The following ASGR2 variants were observed in gnomAD, a reference collection of about 807,000 sequenced individuals.
The protein encoded by ASGR2 is asialoglycoprotein receptor 2.
A neutral mutation model predicts 32.3 loss-of-function variants in ASGR2; 34 were observed. That is an observed-to-expected ratio of 1.05 (90% confidence interval 0.80 to 1.40). ASGR2 has a LOEUF of 1.40. ASGR2 is among the 40% of genes most tolerant of loss of function. The pLI is 0.00. For synonymous variants in ASGR2, 143 were observed against 150.0 expected, an observed-to-expected ratio of 0.95 and a Z score of 0.34; for missense variants, 385 against 386.4, an observed-to-expected ratio of 1.00 and a Z score of 0.03.
In ASGR2 at chr17:7,113,348, C is replaced by T. The variant is rs1485655395; in HGVS notation, c.124+769G>A. 3.3e-5 allele frequency among the ~76,000 whole-genome samples: 5 copies of T among 151,072 alleles called. No individual in the cohort carries two copies. Among genetic ancestry groups the T allele is most frequent in the African/African-American group, 7.3e-5 (3 of 41,054 alleles). ...CACTAACACACACACTCACGCAACA[C>T]ACTCACACACACAACATACATAACA... On this transcript the variant is annotated intron_variant, in intron 2 of 8. Coordinates refer to ENST00000691900, the MANE Select transcript of ASGR2 (RefSeq NM_001201352.2). The surrounding 1 kb of genome is among the most constrained non-coding windows in gnomAD (Gnocchi z 5.1).
chr17:7,112,461 C>T (rs922501395), intron 2 of ASGR2, among the ~76,000 whole-genome samples: 2 of 152,150 alleles, frequency 1.3e-5, no homozygotes, highest in African/African-American at 4.8e-5. Context: ...GAAATCCTGG[C>T]CTCTCTCCAA....
At position 7,113,285 on chromosome 17, in the gene ASGR2, TACAC is replaced by T. The variant is rs113103097; in HGVS notation, c.124+828_124+831del. Among the ~76,000 whole-genome samples the T allele has an allele frequency of 8.0e-6, 1 of 124,382 alleles. No homozygotes were observed. The highest frequency in any genetic ancestry group is 1.7e-5 in the Non-Finnish European group (1 of 57,922). The allele number at this position is 124,382 out of a possible 152,430, so 81.6% of individuals were successfully genotyped here. On this transcript the variant is annotated intron_variant, in intron 2 of 8. Coordinates refer to ENST00000691900, the MANE Select transcript of ASGR2 (RefSeq NM_001201352.2). The surrounding 1 kb of genome is among the most constrained non-coding windows in gnomAD (Gnocchi z 5.1). Reference sequence around the variant, plus strand: ...CACCCATCCCAACTCACCCCACCTCTACACACACACACACACACACATACAATCA... The same window carrying T: ...CACCCATCCCAACTCACCCCACCTCTACACACACACACACACATACAATCA...
Position 7,108,266 on chromosome 17 carries a change from T to C in ASGR2, c.337+196A>G, listed in dbSNP as rs1350800484. 6.6e-6 allele frequency among the ~76,000 whole-genome samples: 1 copy of C among 151,862 alleles called. No homozygotes were observed. The highest frequency in any genetic ancestry group is 2.4e-5 in the African/African-American group (1 of 41,310). ...ATGGTGCCTTCCTCACCTCCGGGTG[T>C]CGCAGATCCAACCTCTCCACCTGGC... On this transcript the variant is annotated intron_variant, in intron 4 of 8. Transcript: ENST00000691900. This position sits in a 1 kb window ranked among gnomAD's most constrained non-coding sequence, Gnocchi z 4.9.
In ASGR2 at chr17:7,114,772, T is replaced by G; in HGVS notation, c.-228A>C. On this transcript the variant is annotated 5_prime_UTR_variant, in exon 1 of 9. Coordinates refer to ENST00000691900, the MANE Select transcript of ASGR2 (RefSeq NM_001201352.2). The surrounding 1 kb of genome is among the most constrained non-coding windows in gnomAD (Gnocchi z 4.5). Reference sequence around the variant, plus strand: ...CGGGCAAGGCCTGCACTGGAGGGTCTGAGTGTCCAAGCTCTAACCTGGCAC... The same window carrying G: ...CGGGCAAGGCCTGCACTGGAGGGTCGGAGTGTCCAAGCTCTAACCTGGCAC... The G allele has an allele frequency of 1.0e-6, 1 of 992,506 alleles. No homozygotes were observed. Among genetic ancestry groups the G allele is most frequent in the Non-Finnish European group, 1.2e-6 (1 of 834,092 alleles). 61.5% of individuals were successfully genotyped at this position (992,506 alleles called of 1,614,324 possible). A position where few individuals can be genotyped will look rare whatever the true frequency, so the allele number is the denominator to read the frequency against.
rs1245207257 is a variant in ASGR2 at position 7,107,637 on chromosome 17, A to G, written c.409+199T>C. On this transcript the variant is annotated intron_variant, in intron 5 of 8. Coordinates refer to ENST00000691900, the MANE Select transcript of ASGR2 (RefSeq NM_001201352.2). The surrounding 1 kb of genome is among the most constrained non-coding windows in gnomAD (Gnocchi z 5.0). ...GCATACACACACAACACACACATAT[A>G]CACCACACTACACACCACACACAGA... The G allele has an allele frequency of 1.4e-6, 1 of 725,546 alleles. No homozygotes were observed. Among genetic ancestry groups the G allele is most frequent in the African/African-American group, 1.7e-5 (1 of 57,414 alleles). 44.9% of individuals were successfully genotyped at this position (725,546 alleles called of 1,614,324 possible).
Position 7,107,054 on chromosome 17 carries a change from C to G in ASGR2, c.594G>C (p.Lys198Asn). 1 of 1,614,186 alleles carries G rather than the reference C, an allele frequency of 6.2e-7. No individual in the cohort carries two copies. The highest frequency in any genetic ancestry group is 1.6e-4 in the Middle Eastern group (1 of 6,062). Residue 198 changes from lysine to asparagine, a missense_variant, in exon 7 of 9, where the codon AAG becomes AAC. Physicochemically the swap from Lys to Asn is moderately conservative, Grantham distance 94. Transcript: ENST00000691900. The surrounding 1 kb of genome is among the most constrained non-coding windows in gnomAD (Gnocchi z 5.0). ...GGTGTGCGTTCTCCAGCTGGCAGTA[C>G]TTCTCCGCCTCAGCCCAGGCCTTCC... is the stretch of plus-strand genomic sequence containing the variant. Reference protein sequence around the residue: ...HSGKAWAEAEKYCQLENAHLV... With the variant: ...HSGKAWAEAENYCQLENAHLV...
Position 7,108,411 on chromosome 17 carries a change from G to C in ASGR2, c.337+51C>G. On this transcript the variant is annotated intron_variant, in intron 4 of 8. Coordinates refer to ENST00000691900, the MANE Select transcript of ASGR2 (RefSeq NM_001201352.2). This position sits in a 1 kb window ranked among gnomAD's most constrained non-coding sequence, Gnocchi z 4.9. ...AGCCCTGTTGCAGACTCGGCACTGA[G>C]CCCAGCAAACCTGTGCGGATAAATG... The C allele has an allele frequency of 6.5e-7, 1 of 1,531,602 alleles. No individual in the cohort carries two copies. The highest frequency in any genetic ancestry group is 1.2e-5 in the South Asian group (1 of 81,538). 94.9% of individuals were successfully genotyped at this position (1,531,602 alleles called of 1,614,324 possible).
At position 7,107,030 on chromosome 17, in the gene ASGR2, GT is replaced by G; in HGVS notation, c.617del (p.His206ProfsTer25). ...AEKYCQLENA[H>X]LVVINSWEEQ... Reference sequence around the variant, plus strand: ...CCTCCCAGGAGTTGATGACCACCAGGTGTGCGTTCTCCAGCTGGCAGTACTT... The same window carrying G: ...CCTCCCAGGAGTTGATGACCACCAGGGTGCGTTCTCCAGCTGGCAGTACTT... On this transcript the variant is annotated frameshift_variant, in exon 7 of 9. Coordinates refer to ENST00000691900, the MANE Select transcript of ASGR2 (RefSeq NM_001201352.2). LOFTEE classifies it high-confidence loss of function. This position sits in a 1 kb window ranked among gnomAD's most constrained non-coding sequence, Gnocchi z 5.0. The G allele has an allele frequency of 6.2e-7, 1 of 1,614,196 alleles. No individual in the cohort carries two copies. Among genetic ancestry groups the G allele is most frequent in the Non-Finnish European group, 8.5e-7 (1 of 1,180,028 alleles).
Position 7,114,768 on chromosome 17 carries a change from G to A in ASGR2, c.-224C>T. ...GGTCCGGGCAAGGCCTGCACTGGAG[G>A]GTCTGAGTGTCCAAGCTCTAACCTG... On this transcript the variant is annotated 5_prime_UTR_variant, in exon 1 of 9. Coordinates refer to ENST00000691900, the MANE Select transcript of ASGR2 (RefSeq NM_001201352.2). The surrounding 1 kb of genome is among the most constrained non-coding windows in gnomAD (Gnocchi z 4.5). 1.0e-6 allele frequency: 1 copy of A among 993,180 alleles called. No individual in the cohort carries two copies. The highest frequency in any genetic ancestry group is 1.2e-6 in the Non-Finnish European group (1 of 834,384). The allele number at this position is 993,180 out of a possible 1,614,324, so 61.5% of individuals were successfully genotyped here. A position where few individuals can be genotyped will look rare whatever the true frequency, so the allele number is the denominator to read the frequency against.
At chr17:7,101,817 C>T in intron 8 of ASGR2, 77 bp from the exon 9 acceptor site, 2 of 1,543,534 alleles carry the variant, frequency 1.3e-6, no homozygotes, top group Non-Finnish European at 1.8e-6. Context: ...CTCTTCATGA[C>T]CATTTTCCTT....
chr17:7,112,872 C>A (rs1294309275), intron 2 of ASGR2, among the ~76,000 whole-genome samples: 3 of 152,170 alleles, frequency 2.0e-5, no homozygotes, highest in African/African-American at 7.2e-5. Context: ...CCACCAGCAC[C>A]CACACACCTG....
In ASGR2 at chr17:7,111,078, AC is replaced by A. The variant is rs1914558000; in HGVS notation, c.125-2191del. 2.0e-5 allele frequency among the ~76,000 whole-genome samples: 3 copies of A among 152,254 alleles called. No individual in the cohort carries two copies. In the South Asian group the frequency reaches 6.2e-4, roughly 31 times the overall value. Reference sequence around the variant, plus strand: ...AAAGCTCAAGAACATTTAGAGGAATACAAAAATATCCAGCACCCAACAAGGT... The same window carrying A: ...AAAGCTCAAGAACATTTAGAGGAATAAAAAATATCCAGCACCCAACAAGGT... On this transcript the variant is annotated intron_variant, in intron 2 of 8. Coordinates refer to ENST00000691900, the MANE Select transcript of ASGR2 (RefSeq NM_001201352.2).
At chr17:7,111,883 A>C (rs141785364) in intron 2 of ASGR2, among the ~76,000 whole-genome samples, 1,681 of 148,332 alleles carry the variant, frequency 0.011, 33 homozygotes, top group African/African-American at 0.038. Context: ...TCTACAAAAA[A>C]AAATTTTTAA....
Position 7,101,608 on chromosome 17 carries a change from C to T in ASGR2, c.888G>A (p.Glu296=), listed in dbSNP as rs11653054. 0.028 allele frequency: 44,900 copies of T among 1,614,176 alleles called. 777 individuals carry two copies. The highest frequency in any genetic ancestry group is 0.034 in the Non-Finnish European group (40,054 of 1,180,028). ...FCLQVYRWVC[E]KRRNATGEVA ...CCTCGCCGGTGGCATTCCGCCTTTT[C>T]TCACACACCCAGCGGTACACCTGCA... is the stretch of plus-strand genomic sequence containing the variant. Residue 296 remains glutamate (E), a synonymous_variant, in exon 9 of 9, where the codon GAG becomes GAA. Transcript: ENST00000691900.
chr17:7,106,669 G>A lies in ASGR2; in HGVS notation c.648+331C>T, dbSNP rs574204073. On this transcript the variant is annotated intron_variant, in intron 7 of 8. Coordinates refer to ENST00000691900, the MANE Select transcript of ASGR2 (RefSeq NM_001201352.2). ...CTGTAATCCCACCACTTTGGGAGGC[G>A]GAGGTGGGCGGATCATGAGGTCAGG... Among the ~76,000 whole-genome samples the A allele has an allele frequency of 2.6e-5, 4 of 152,002 alleles. No individual in the cohort carries two copies. In the East Asian group the frequency reaches 7.8e-4, roughly 29 times the overall value.
Position 7,107,904 on chromosome 17 carries a change from C to T in ASGR2, c.341G>A (p.Gly114Asp), listed in dbSNP as rs776949267. ...GGATGTGATCTTGTCACCCACGCTG[C>T]CTCCTGGAAGCGGAAAGCCAGCTGT... ...TEVQAISTHG[G>D]SVGDKITSLG... is the part of the protein sequence containing the mutation. The change falls in exon 5 of 9, where the codon GGC becomes GAC. Residue 114 changes from glycine (G) to aspartate (D), a missense_variant. Gly to Asp is a moderately conservative substitution (Grantham distance 94, BLOSUM62 -1). Coordinates refer to ENST00000691900, the MANE Select transcript of ASGR2 (RefSeq NM_001201352.2). This position sits in a 1 kb window ranked among gnomAD's most constrained non-coding sequence, Gnocchi z 5.0. 1.9e-6 allele frequency: 3 copies of T among 1,613,884 alleles called. No individual in the cohort carries two copies. The highest frequency in any genetic ancestry group is 1.7e-6 in the Non-Finnish European group (2 of 1,179,976).
chr17:7,101,746 G>A lies in ASGR2; in HGVS notation c.756-6C>T, dbSNP rs185688720. On this transcript the variant is annotated splice_region_variant and splice_polypyrimidine_tract_variant and intron_variant, in intron 8 of 8. Transcript: ENST00000691900. ...GCTGAGTGACAGCCCAGTTCCTAAGGAGGCAAGAGAAAACTCGGACTCTGC... is the reference window on the plus strand; with the variant it reads ...GCTGAGTGACAGCCCAGTTCCTAAGAAGGCAAGAGAAAACTCGGACTCTGC... The A allele has an allele frequency of 2.9e-4, 471 of 1,612,026 alleles. 3 individuals carry two copies. The African/African-American group carries it at 5.3e-3, about 18-fold the overall frequency.
intron 2 of ASGR2, among the ~76,000 whole-genome samples, chr17:7,112,149 C>G (rs1054218083): frequency 7.6e-6 from 1 of 132,362 alleles, no homozygotes; most frequent in Non-Finnish European, 1.6e-5. Flanking sequence ...AAATGAAACA[C>G]TGGGAGAAAA....
chr17:7,101,878 A>T (rs1488847412), intron 8 of ASGR2, 138 bp from the exon 9 acceptor site: 3 of 1,224,552 alleles, frequency 2.4e-6, no homozygotes, highest in Non-Finnish European at 3.4e-6. Flanking sequence ...TCTGGGGAGA[A>T]CCCAACCGCA....
Sources: gnomAD v4.1 joint callset for allele counts (sites outside exome capture counted in the v4.1 genomes callset) on GRCh38, gnomAD v4.1.1 for gene constraint, Gnocchi (gnomAD v3.1) non-coding constraint, MANE v1.5 for transcripts, NCBI Gene and HGNC (gene_info 2026-07-23, HGNC 2026-07-21) for gene names.